XPR1: variants seen among roughly 807,000 people sequenced by gnomAD.
XPR1 encodes solute carrier family 53 member 1.
Under a neutral mutation model 87.5 loss-of-function variants are expected in XPR1, and 28 were observed. That is an observed-to-expected ratio of 0.32 (90% CI 0.24 to 0.44). XPR1 has a LOEUF of 0.44. Ranked by LOEUF, XPR1 falls within the 20% of genes least tolerant of loss-of-function variation. XPR1 has a pLI of 1.00. For missense variants in XPR1, 559 were observed against 862.3 expected, an observed-to-expected ratio of 0.65 and a Z score of 4.41; for synonymous variants, 300 against 306.1, an observed-to-expected ratio of 0.98 and a Z score of 0.21.
intron 3 of XPR1, among the ~76,000 whole-genome samples, chr1:180,788,327 A>G (rs1649256490): frequency 6.6e-6 from 1 of 152,166 alleles, no homozygotes; most frequent in South Asian, 2.1e-4. Flanking sequence ...ACTTATATAT[A>G]TATTTATGTC....
chr1:180,659,612 G>A (rs185568493), intron 1 of XPR1, among the ~76,000 whole-genome samples: 484 of 39,642 alleles, frequency 0.012, 10 homozygotes, highest in African/African-American at 0.05. Flanking sequence ...ACCCCCCGCC[G>A]GGTTCAAGCG....
At chr1:180,688,859 A>AT (rs1156243329) in intron 2 of XPR1, among the ~76,000 whole-genome samples, 1 of 151,054 alleles carries the variant, frequency 6.6e-6, no homozygotes, top group South Asian at 2.1e-4. Flanking sequence ...TTACATCTTT[A>AT]TTTTTTTTTA....
chr1:180,734,825 T>C (rs1255564694), intron 2 of XPR1, among the ~76,000 whole-genome samples: 1 of 152,140 alleles, frequency 6.6e-6, no homozygotes, highest in Non-Finnish European at 1.5e-5. Context: ...TGTCAAGAAC[T>C]ATGAGTGGTC....
intron 2 of XPR1, among the ~76,000 whole-genome samples, chr1:180,691,095 A>G (rs78025130): frequency 0.043 from 6,538 of 152,218 alleles, 499 homozygotes; most frequent in African/African-American, 0.15. Flanking sequence ...TAAAATTAGT[A>G]GAGGAGCAGA....
At chr1:180,858,795 AT>A (rs1178906699) in intron 11 of XPR1, among the ~76,000 whole-genome samples, 1 of 152,214 alleles carries the variant, frequency 6.6e-6, no homozygotes, top group Non-Finnish European at 1.5e-5. Context: ...TGCCCTAAGG[AT>A]AAAGATGATA....
intron 7 of XPR1, 54 bp downstream of exon 7, chr1:180,811,542 A>G: frequency 1.4e-6 from 2 of 1,411,888 alleles, no homozygotes; most frequent in Non-Finnish European, 2.0e-6. Flanking sequence ...CCTGTGTCAT[A>G]TTCTGCCCCT....
At chr1:180,743,214 CT>C (rs545224438) in intron 2 of XPR1, among the ~76,000 whole-genome samples, 60 of 131,372 alleles carry the variant, frequency 4.6e-4, no homozygotes, top group South Asian at 1.7e-3. Context: ...TTCATTTTCC[CT>C]TTTTTTTTTG....
intron 2 of XPR1, among the ~76,000 whole-genome samples, chr1:180,757,712 A>C (rs545633759): frequency 1.3e-5 from 2 of 151,694 alleles, no homozygotes; most frequent in South Asian, 4.2e-4. Flanking sequence ...TAGAGATAGA[A>C]TCTTGCTGTG....
chr1:180,671,912 A>G, intron 1 of XPR1, among the ~76,000 whole-genome samples: 1 of 152,168 alleles, frequency 6.6e-6, no homozygotes, highest in Non-Finnish European at 1.5e-5. Context: ...TATTTGTTGA[A>G]TGAGTGAGAT....
chr1:180,866,733 A>G (rs1331429642), intron 12 of XPR1, among the ~76,000 whole-genome samples: 1 of 152,136 alleles, frequency 6.6e-6, no homozygotes, highest in Non-Finnish European at 1.5e-5. Context: ...TATCATAATC[A>G]TCAGTCAGTG....
intron 2 of XPR1, among the ~76,000 whole-genome samples, chr1:180,736,365 A>AG (rs1399877275): frequency 6.6e-6 from 1 of 152,182 alleles, no homozygotes; most frequent in Non-Finnish European, 1.5e-5. Context: ...GACTCTTTTA[A>AG]GGGTTTGCAG....
chr1:180,785,010 T>TG lies in XPR1; in HGVS notation c.122-2743_122-2742insG, dbSNP rs1221186555. Among the ~76,000 whole-genome samples the TG allele has an allele frequency of 1.3e-3, 165 of 127,488 alleles. 1 individual carries two copies. Among genetic ancestry groups the TG allele is most frequent in the South Asian group, 0.013 (47 of 3,726 alleles). The allele number at this position is 127,488 out of a possible 152,430, so 83.6% of individuals were successfully genotyped here. A position where few individuals can be genotyped will look rare whatever the true frequency, so the allele number is the denominator to read the frequency against. The stretch of plus-strand genomic sequence containing the variant: ...TGTTAGTTTTTTTCGTGTGTGTGTG[T>TG]TTGTGTGTGTGTGTGTGTGTGTGTG... On this transcript the variant is annotated intron_variant, in intron 2 of 14. Transcript: ENST00000367590.
Position 180,787,723 on chromosome 1 carries a change from A to G in XPR1, c.122-30A>G, listed in dbSNP as rs765588029. The G allele has an allele frequency of 5.3e-6, 8 of 1,499,150 alleles. No homozygotes were observed. The South Asian group carries it at 9.7e-5, about 18-fold the overall frequency. The allele number at this position is 1,499,150 out of a possible 1,614,324, so 92.9% of individuals were successfully genotyped here. A position where few individuals can be genotyped will look rare whatever the true frequency, so the allele number is the denominator to read the frequency against. On this transcript the variant is annotated intron_variant, in intron 2 of 14. Coordinates refer to ENST00000367590, the MANE Select transcript of XPR1 (RefSeq NM_004736.4). ...TTTTCTCAATTGGCCTTTGGACATT[A>G]AATTTAAATATTGTTTTCCTGTCTT...
At chr1:180,644,963 A>G (rs1655065271) in intron 1 of XPR1, among the ~76,000 whole-genome samples, 1 of 151,752 alleles carries the variant, frequency 6.6e-6, no homozygotes, top group African/African-American at 2.4e-5. Context: ...TGTTCAGTCT[A>G]CTCCGTAATC....
At chr1:180,877,326 G>A (rs1652695028) in intron 13 of XPR1, among the ~76,000 whole-genome samples, 1 of 152,296 alleles carries the variant, frequency 6.6e-6, no homozygotes, top group South Asian at 2.1e-4. Context: ...TTGGTGAAAG[G>A]ATAGACAATC....
At chr1:180,677,153 A>G (rs1016140018) in intron 1 of XPR1, among the ~76,000 whole-genome samples, 17 of 152,196 alleles carry the variant, frequency 1.1e-4, no homozygotes, top group African/African-American at 4.1e-4. Flanking sequence ...GCCCCTGCTT[A>G]AGATGCTAGC....
chr1:180,683,698 G>T (rs1181360669), intron 2 of XPR1, among the ~76,000 whole-genome samples: 2 of 152,086 alleles, frequency 1.3e-5, no homozygotes, highest in East Asian at 3.9e-4. Flanking sequence ...GTTTTGATTT[G>T]CATTTCTCTG....
chr1:180,810,789 G>A (rs1179880528), intron 6 of XPR1, among the ~76,000 whole-genome samples: 3 of 151,134 alleles, frequency 2.0e-5, no homozygotes, highest in Non-Finnish European at 2.9e-5. Flanking sequence ...ATATATATAT[G>A]TGTATATATG....
chr1:180,733,771 C>A (rs911352979), intron 2 of XPR1, among the ~76,000 whole-genome samples: 1 of 152,092 alleles, frequency 6.6e-6, no homozygotes, highest in African/African-American at 2.4e-5. Context: ...GGATAACTTT[C>A]CAGTTTCTAG....
Sources: allele counts gnomAD v4.1 joint callset (sites outside exome capture counted in the v4.1 genomes callset), GRCh38; gene constraint gnomAD v4.1.1; transcripts MANE v1.5; gene names NCBI Gene and HGNC (gene_info 2026-07-23, HGNC 2026-07-21).